The following MEAK7 variants were observed in gnomAD, a reference collection of about 807,000 sequenced individuals.
The protein encoded by MEAK7 is MTOR-associated protein MEAK7.
A neutral mutation model predicts 40.5 loss-of-function variants in MEAK7; 68 were observed. That is an observed-to-expected ratio of 1.68 (90% confidence interval 1.38 to 2.06). The LOEUF (loss-of-function observed/expected upper bound fraction) is 2.06, where lower values mean the gene tolerates loss of function less well. Ranked by LOEUF, MEAK7 falls within the 30% of genes most tolerant of loss-of-function variation. The pLI, the probability that MEAK7 is intolerant of heterozygous loss-of-function variation, is 0.00. For missense variants in MEAK7, 918 were observed against 580.5 expected (o/e 1.58, Z -5.98); for synonymous variants, 338 against 231.9 (o/e 1.46, Z -4.16).
intron 6 of MEAK7, among the ~76,000 whole-genome samples, chr16:84,481,002 T>A (rs542650230): frequency 6.6e-6 from 1 of 152,250 alleles, no homozygotes; most frequent in African/African-American, 2.4e-5. Flanking sequence ...ATTAAAAATG[T>A]TAAATATATA....
chr16:84,480,143 C>G (rs1281024417), intron 7 of MEAK7, 117 bp from the exon 8 acceptor site: 1 of 797,376 alleles, frequency 1.3e-6, no homozygotes, highest in Non-Finnish European at 1.9e-6. Flanking sequence ...CCCTAAGGCC[C>G]CTCCCACTCT....
rs1238517238 is a variant in MEAK7, at chr16:84,486,630, C to T, written c.958+1G>A. ...TCAAGGTTCAGGACACCAAGTCTTA[C>T]CTTGAAACTGAGGCTTCACCTCCCA... On this transcript the variant is annotated splice_donor_variant, in intron 5 of 7. Coordinates refer to ENST00000343629, the MANE Select transcript of MEAK7 (RefSeq NM_020947.4). LOFTEE classifies it high-confidence loss of function. The T allele has an allele frequency of 1.2e-6, 2 of 1,600,470 alleles. No individual in the cohort carries two copies. The highest frequency in any genetic ancestry group is 1.7e-5 in the Admixed American group (1 of 58,176).
At chr16:84,498,314 G>A (rs1179044632) in intron 1 of MEAK7, among the ~76,000 whole-genome samples, 1 of 152,142 alleles carries the variant, frequency 6.6e-6, no homozygotes, top group Non-Finnish European at 1.5e-5. Flanking sequence ...TGCTGACCAG[G>A]CTGGAGTGCA....
At chr16:84,503,145 C>A (rs1454620516) in intron 1 of MEAK7, among the ~76,000 whole-genome samples, 3 of 152,162 alleles carry the variant, frequency 2.0e-5, no homozygotes, top group Non-Finnish European at 4.4e-5. Context: ...GAAGAACTGT[C>A]TTGGGCCACA....
chr16:84,495,658 G>A, intron 3 of MEAK7, 25 bp downstream of exon 3: 3 of 1,611,364 alleles, frequency 1.9e-6, no homozygotes, highest in Non-Finnish European at 2.5e-6. Context: ...TGAGGAGGCT[G>A]CAAAGGACCT....
chr16:84,486,888 C>T lies in MEAK7; in HGVS notation c.701G>A (p.Arg234His), dbSNP rs371339895. The T allele has an allele frequency of 1.0e-4, 161 of 1,614,180 alleles. No homozygotes were observed. Among genetic ancestry groups the T allele is most frequent in the Middle Eastern group, 3.3e-4 (2 of 6,062 alleles). Residue 234 changes from arginine to histidine, a missense_variant, in exon 5 of 8, where the codon CGT (arginine) becomes CAT (histidine). Coordinates refer to ENST00000343629, the MANE Select transcript of MEAK7 (RefSeq NM_020947.4). ...AAAACCCCTGCCCTGGTCCACTTGA[C>T]GCTCAGGGACCAGGGTAGTCAGATC... ...SLDLTTLVPE[R>H]QVDQGRGFES...
intron 1 of MEAK7, among the ~76,000 whole-genome samples, chr16:84,500,255 G>C (rs935548825): frequency 3.3e-5 from 5 of 152,168 alleles, no homozygotes; most frequent in Admixed American, 3.3e-4. Context: ...CGGCTATCAT[G>C]AATAGTGCTG....
At position 84,489,357 on chromosome 16, in the gene MEAK7, C is replaced by T; in HGVS notation, c.450G>A (p.Trp150Ter). The change falls in exon 4 of 8, where the codon TGG becomes TGA. Residue 150 changes from tryptophan to a stop codon, truncating the protein, a stop_gained. Transcript: ENST00000343629. LOFTEE classifies it high-confidence loss of function. ...TGGGCCCTGGGGCTTCCTTCCCAGTCCAGCCTCTCAGCTCCTGTCTGTGGC... is the reference window on the plus strand; with the variant it reads ...TGGGCCCTGGGGCTTCCTTCCCAGTTCAGCCTCTCAGCTCCTGTCTGTGGC... ...VLSHRQELRG[W>*]TGKEAPGPNP... is the part of the protein sequence containing the mutation. The T allele has an allele frequency of 6.2e-7, 1 of 1,614,230 alleles. No individual in the cohort carries two copies. The highest frequency in any genetic ancestry group is 8.5e-7 in the Non-Finnish European group (1 of 1,180,042).
In MEAK7 at chr16:84,494,587, A is replaced by G. The variant is rs190466751; in HGVS notation, c.384+1096T>C. On this transcript the variant is annotated intron_variant, in intron 3 of 7. Transcript: ENST00000343629. ...CATTTTCGTACCTGCCTGCTGATAT[A>G]TGGACTTCAGAGTAATATGGCCTAT... The G allele has an allele frequency of 3.9e-3, 1,005 of 256,858 alleles. 6 individuals are homozygous for G. Among genetic ancestry groups the G allele is most frequent in the Non-Finnish European group, 5.7e-3 (731 of 128,692 alleles). 15.9% of individuals were successfully genotyped at this position (256,858 alleles called of 1,614,324 possible).
In MEAK7 at chr16:84,495,720, G is replaced by C; in HGVS notation, c.347C>G (p.Ala116Gly). ...TCTGGCCTTCACGGGACCTTCTGTG[G>C]CAGAAATCATTTTCATAATCATGAG... ...KSLMIMKMISATEGPVKAREV... is the reference protein window; with the variant it reads ...KSLMIMKMISGTEGPVKAREV... The change falls in exon 3 of 8, where the codon GCC becomes GGC. Residue 116 changes from alanine (A) to glycine (G), a missense_variant. Coordinates refer to ENST00000343629, the MANE Select transcript of MEAK7 (RefSeq NM_020947.4). 1 of 1,614,076 alleles carries C rather than the reference G, an allele frequency of 6.2e-7. No individual in the cohort carries two copies.
Position 84,497,654 on chromosome 16 carries a change from T to C in MEAK7, c.153+280A>G, listed in dbSNP as rs773485296. The C allele has an allele frequency of 4.3e-5, 61 of 1,426,734 alleles. No homozygotes were observed. In the African/African-American group the frequency reaches 6.8e-4, roughly 16 times the overall value. The allele number at this position is 1,426,734 out of a possible 1,614,324, so 88.4% of individuals were successfully genotyped here. A position where few individuals can be genotyped will look rare whatever the true frequency, so the allele number is the denominator to read the frequency against. On this transcript the variant is annotated intron_variant, in intron 2 of 7. Transcript: ENST00000343629. Reference sequence around the variant, plus strand: ...ATCTACTCCAGGTTCCTTTCTGTAGTACAGATAAGAGACTATTGATTTCAA... The same window carrying C: ...ATCTACTCCAGGTTCCTTTCTGTAGCACAGATAAGAGACTATTGATTTCAA...
At chr16:84,498,154 A>C in intron 1 of MEAK7, 43 bp from the exon 2 acceptor site, 2 of 1,524,324 alleles carry the variant, frequency 1.3e-6, no homozygotes, top group Non-Finnish European at 1.8e-6. Flanking sequence ...TCAAAATTTA[A>C]TAATCACAGA....
chr16:84,495,781 A>T lies in MEAK7; in HGVS notation c.286T>A (p.Ser96Thr), dbSNP rs139063434. 6.2e-7 allele frequency: 1 copy of T among 1,614,044 alleles called. No homozygotes were observed. Among genetic ancestry groups the T allele is most frequent in the Admixed American group, 1.7e-5 (1 of 59,986 alleles). ...VSQEQFTASM[S>T]HLLKGNSEEK... ...TCGGAGTTTCCTTTCAACAGGTGGG[A>T]CATGGATGCTGTGAACTGCTCCTGG... Residue 96 changes from serine to threonine, a missense_variant, in exon 3 of 8, where the codon TCC (serine) becomes ACC (threonine). By Grantham distance (58) the Ser-to-Thr change is moderately conservative. Transcript: ENST00000343629.
At chr16:84,491,491 G>A (rs9936770) in intron 3 of MEAK7, among the ~76,000 whole-genome samples, 3,934 of 148,722 alleles carry the variant, frequency 0.026, 216 homozygotes, top group African/African-American at 0.093. Context: ...GTGAGCTGAG[G>A]TTGTGCCACT....
rs1316175781 is a variant in MEAK7, at chr16:84,504,414, G to A, written c.-26+187C>T. On this transcript the variant is annotated intron_variant, in intron 1 of 7. Transcript: ENST00000343629. ...GACCCTCCCTCCATCCCGCCCCGCT[G>A]TCCCCACCCCTCACCTCCCCGCAGC... Among the ~76,000 whole-genome samples, 3 of 148,972 alleles carry A rather than the reference G, an allele frequency of 2.0e-5. No individual in the cohort carries two copies. The East Asian group carries it at 5.9e-4, about 29-fold the overall frequency.
chr16:84,504,048 G>C, intron 1 of MEAK7: 3 of 985,538 alleles, frequency 3.0e-6, no homozygotes, highest in East Asian at 1.1e-4. Flanking sequence ...TTGTGCGAAG[G>C]GGCAGCTTGA....
intron 3 of MEAK7, chr16:84,495,456 T>C: frequency 1.8e-6 from 1 of 558,022 alleles, no homozygotes; most frequent in South Asian, 2.1e-5. Context: ...TGCAGTCTGC[T>C]TTTCCGCTTT....
chr16:84,491,462 C>A (rs1913594216), intron 3 of MEAK7, among the ~76,000 whole-genome samples: 1 of 148,956 alleles, frequency 6.7e-6, no homozygotes, highest in Non-Finnish European at 1.5e-5. Context: ...TCGCTTGAGC[C>A]TGGGAGGCAG....
rs766941423 is a variant in MEAK7 at position 84,480,577 on chromosome 16, A to C, written c.1209T>G (p.Phe403Leu). 3 of 1,613,864 alleles carry C rather than the reference A, an allele frequency of 1.9e-6. No individual in the cohort carries two copies. In the African/African-American group the frequency reaches 4.0e-5, roughly 22 times the overall value. Residue 403 changes from phenylalanine (F) to leucine (L), a missense_variant, in exon 7 of 8, where the codon TTT (phenylalanine) becomes TTG (leucine). Transcript: ENST00000343629. ...PQLSAQENFQ[F>L]DKMEVWAVGD... ...CAACCGCCCACACCTCCATCTTATC[A>C]AACTGGAAGTTCTCCTGAGCCGACA...
Sources: gnomAD v4.1 joint callset for allele counts (sites outside exome capture counted in the v4.1 genomes callset) on GRCh38, gnomAD v4.1.1 for gene constraint, MANE v1.5 for transcripts, NCBI Gene and HGNC (gene_info 2026-07-23, HGNC 2026-07-21) for gene names.